C19orf81: variants seen among roughly 807,000 people sequenced by gnomAD.
C19orf81 encodes putative uncharacterized protein C19orf81.
C19orf81 carries 19 observed loss-of-function variants against 22.1 expected under a neutral mutation model. The ratio of observed to expected loss-of-function variants is 0.86; its 90% CI spans 0.60 to 1.26. C19orf81 has a LOEUF of 1.26. Ranked by LOEUF, C19orf81 falls within the 50% of genes most tolerant of loss-of-function variation. The pLI, the probability that C19orf81 is intolerant of heterozygous loss-of-function variation, is 0.00. For synonymous variants in C19orf81, 108 were observed against 113.1 expected (o/e 0.95, Z 0.29); for missense variants, 287 against 280.7 (o/e 1.02, Z -0.16).
In C19orf81 at chr19:50,658,952, T is replaced by A; in HGVS notation, c.407T>A (p.Leu136His). The A allele has an allele frequency of 6.7e-7, 1 of 1,484,234 alleles. No homozygotes were observed. The highest frequency in any genetic ancestry group is 9.0e-7 in the Non-Finnish European group (1 of 1,115,128). 91.9% of individuals were successfully genotyped at this position (1,484,234 alleles called of 1,614,324 possible). Reference protein sequence around the residue: ...CGTAGRRNRWLIAVTDFQTRS... With the variant: ...CGTAGRRNRWHIAVTDFQTRS... ...CGTCCCCACCCCCCTTACAGGTGGC[T>A]CATCGCGGTCACGGACTTCCAGACG... Residue 136 changes from leucine to histidine, a missense_variant, in exon 5 of 5, where the codon CTC (leucine) becomes CAC (histidine). Leu to His is a moderately conservative substitution (Grantham distance 99). Coordinates refer to ENST00000425202, the MANE Select transcript of C19orf81 (RefSeq NM_001195076.2).
chr19:50,654,913 G>C (rs552148987), intron 1 of C19orf81, among the ~76,000 whole-genome samples: 155 of 152,300 alleles, frequency 1.0e-3, no homozygotes, highest in South Asian at 3.3e-3. Flanking sequence ...GGACATCTTG[G>C]CTTGGTGAGA....
rs1217696262 is a variant in C19orf81, at chr19:50,659,004, C to A, written c.459C>A (p.Leu153=). 6.5e-7 allele frequency: 1 copy of A among 1,528,004 alleles called. No individual in the cohort carries two copies. The highest frequency in any genetic ancestry group is 1.2e-5 in the South Asian group (1 of 82,980). 94.7% of individuals were successfully genotyped at this position (1,528,004 alleles called of 1,614,324 possible). ...QTRSRLLRSG[L]SPRGLAHQIV... is the part of the protein sequence containing the mutation. ...GCTCGCGCTTGCTGCGCTCCGGGCTCAGTCCCCGCGGGCTTGCGCACCAGA... is the reference window on the plus strand; with the variant it reads ...GCTCGCGCTTGCTGCGCTCCGGGCTAAGTCCCCGCGGGCTTGCGCACCAGA... Residue 153 remains leucine, a synonymous_variant, in exon 5 of 5, where the codon CTC becomes CTA. Transcript: ENST00000425202.
intron 2 of C19orf81, 31 bp from the exon 3 acceptor site, chr19:50,656,195 A>T: frequency 6.5e-7 from 1 of 1,536,100 alleles, no homozygotes; most frequent in Non-Finnish European, 8.7e-7. Context: ...CCCTGACCTC[A>T]GAGGTCCCTG....
rs762384798 is a variant in C19orf81 at position 50,656,035 on chromosome 19, G to T, written c.68-15G>T. On this transcript the variant is annotated splice_polypyrimidine_tract_variant and intron_variant, in intron 1 of 4. Coordinates refer to ENST00000425202, the MANE Select transcript of C19orf81 (RefSeq NM_001195076.2). ...GAGGGCTCAGGGCAGCTGACACTGGGTTCTCTGTCCTCAGGAGCCCTCCTT... is the reference window on the plus strand; with the variant it reads ...GAGGGCTCAGGGCAGCTGACACTGGTTTCTCTGTCCTCAGGAGCCCTCCTT... 35 of 1,535,864 alleles carry T rather than the reference G, an allele frequency of 2.3e-5. 1 individual carries two copies. The highest frequency in any genetic ancestry group is 1.7e-4 in the Middle Eastern group (1 of 5,984).
At chr19:50,650,846 G>A (rs57745948) in intron 1 of C19orf81, among the ~76,000 whole-genome samples, 4 of 152,162 alleles carry the variant, frequency 2.6e-5, no homozygotes, top group African/African-American at 9.7e-5. Flanking sequence ...GCTTTTGAAG[G>A]CATCTTTCTT....
intron 1 of C19orf81, chr19:50,649,837 C>G (rs1346841279): frequency 2.0e-6 from 1 of 500,378 alleles, no homozygotes; most frequent in Non-Finnish European, 3.9e-6. Context: ...AGCTCAGCAT[C>G]TTCCCCCAAA....
At position 50,658,138 on chromosome 19, in the gene C19orf81, C is replaced by T. The variant is rs1308270474; in HGVS notation, c.401+10C>T. 1.2e-5 allele frequency: 18 copies of T among 1,527,922 alleles called. No homozygotes were observed. In the African/African-American group the frequency reaches 2.1e-4, roughly 18 times the overall value. The allele number at this position is 1,527,922 out of a possible 1,614,324, so 94.6% of individuals were successfully genotyped here. On this transcript the variant is annotated intron_variant, in intron 4 of 4. Transcript: ENST00000425202. ...CTGGGCGCCGGAACCGGTGAGTAAGCGGCGGGGGCGGGGCCTGGAGCGAGC... is the reference window on the plus strand; with the variant it reads ...CTGGGCGCCGGAACCGGTGAGTAAGTGGCGGGGGCGGGGCCTGGAGCGAGC...
At chr19:50,650,335 G>A (rs990412371) in intron 1 of C19orf81, among the ~76,000 whole-genome samples, 19 of 152,348 alleles carry the variant, frequency 1.2e-4, no homozygotes, top group Non-Finnish European at 2.1e-4. Context: ...CATTTATGGA[G>A]TAGTATCTCA....
At chr19:50,654,219 A>G (rs1195802019) in intron 1 of C19orf81, among the ~76,000 whole-genome samples, 1 of 152,018 alleles carries the variant, frequency 6.6e-6, no homozygotes, top group Non-Finnish European at 1.5e-5. Context: ...AAGAAGACAG[A>G]AGTGTATTTC....
chr19:50,658,938 C>T lies in C19orf81; in HGVS notation c.402-9C>T. The stretch of plus-strand genomic sequence containing the variant: ...GCGAGTTCCTTTTCCGTCCCCACCC[C>T]CCTTACAGGTGGCTCATCGCGGTCA... On this transcript the variant is annotated splice_polypyrimidine_tract_variant and intron_variant, in intron 4 of 4. Coordinates refer to ENST00000425202, the MANE Select transcript of C19orf81 (RefSeq NM_001195076.2). The T allele has an allele frequency of 6.8e-7, 1 of 1,466,168 alleles. No homozygotes were observed. The allele number at this position is 1,466,168 out of a possible 1,614,324, so 90.8% of individuals were successfully genotyped here. A position where few individuals can be genotyped will look rare whatever the true frequency, so the allele number is the denominator to read the frequency against.
In C19orf81 at chr19:50,658,097, G is replaced by A. The variant is rs942820982; in HGVS notation, c.370G>A (p.Val124Ile). The A allele has an allele frequency of 5.9e-6, 9 of 1,535,796 alleles. No individual in the cohort carries two copies. Among genetic ancestry groups the A allele is most frequent in the South Asian group, 1.2e-5 (1 of 84,002 alleles). The change falls in exon 4 of 5, where the codon GTC becomes ATC. Residue 124 changes from valine (V) to isoleucine (I), a missense_variant. Transcript: ENST00000425202. ...CAGCATCCGCTTTGAGAACATGAAC[G>A]TCATCTGTGGGACTGCTGGGCGCCG... The part of the protein sequence containing the change: ...VSSIRFENMN[V>I]ICGTAGRRNR...
At chr19:50,652,502 G>A (rs1057514522) in intron 1 of C19orf81, among the ~76,000 whole-genome samples, 1 of 152,198 alleles carries the variant, frequency 6.6e-6, no homozygotes, top group African/African-American at 2.4e-5. Context: ...TTAGCCAAAT[G>A]AGGGGGAAGA....
chr19:50,657,083 C>T (rs1985012556), intron 3 of C19orf81, among the ~76,000 whole-genome samples: 1 of 151,876 alleles, frequency 6.6e-6, no homozygotes. Flanking sequence ...ACTGGTCCTC[C>T]CTGCCTTCAA....
rs1352700103 is a variant in C19orf81 at position 50,656,106 on chromosome 19, A to C, written c.124A>C (p.Arg42=). Residue 42 remains arginine, a synonymous_variant, in exon 2 of 5, where the codon AGG becomes CGG. Transcript: ENST00000425202. The part of the protein sequence containing the change: ...PEEMQARSLG[R]PIKSSKQYLR... Reference sequence around the variant, plus strand: ...GGAGATGCAGGCTCGGAGCCTGGGCAGGCCCATCAAATCCTCGTGAGTTGT... The same window carrying C: ...GGAGATGCAGGCTCGGAGCCTGGGCCGGCCCATCAAATCCTCGTGAGTTGT... 6.5e-7 allele frequency: 1 copy of C among 1,536,124 alleles called. No individual in the cohort carries two copies. Among genetic ancestry groups the C allele is most frequent in the East Asian group, 2.4e-5 (1 of 40,918 alleles).
intron 4 of C19orf81, 115 bp downstream of exon 4, chr19:50,658,243 CA>C: frequency 9.1e-7 from 1 of 1,102,160 alleles, no homozygotes; most frequent in African/African-American, 1.6e-5. Flanking sequence ...AGAGTGAAAG[CA>C]TGAATGGGCG....
rs867833546 is a variant in C19orf81, at chr19:50,658,059, G to A, written c.332G>A (p.Ser111Asn). Residue 111 changes from serine (S) to asparagine (N), a missense_variant, in exon 4 of 5, where the codon AGC (serine) becomes AAC (asparagine). Ser to Asn is a conservative substitution (Grantham distance 46, BLOSUM62 1). Transcript: ENST00000425202. ...LEAQLPGAME[S>N]GRVSSIRFEN... ...GCCCAGTTACCAGGGGCCATGGAGA[G>A]CGGGCGCGTGAGCAGCATCCGCTTT... 2 of 1,536,078 alleles carry A rather than the reference G, an allele frequency of 1.3e-6. No individual in the cohort carries two copies. Among genetic ancestry groups the A allele is most frequent in the South Asian group, 1.2e-5 (1 of 84,040 alleles).
At chr19:50,658,757 AAG>A (rs1490318737) in intron 4 of C19orf81, 188 bp from the exon 5 acceptor site, 1 of 465,524 alleles carries the variant, frequency 2.1e-6, no homozygotes, top group Non-Finnish European at 3.7e-6. Flanking sequence ...GAACCAGGCT[AAG>A]AGAGCGTAAG....
chr19:50,659,232 C>A lies in C19orf81; in HGVS notation c.*90C>A. 1.8e-6 allele frequency: 2 copies of A among 1,128,042 alleles called. No individual in the cohort carries two copies. Among genetic ancestry groups the A allele is most frequent in the Non-Finnish European group, 2.3e-6 (2 of 885,420 alleles). The allele number at this position is 1,128,042 out of a possible 1,614,324, so 69.9% of individuals were successfully genotyped here. A position where few individuals can be genotyped will look rare whatever the true frequency, so the allele number is the denominator to read the frequency against. ...CCCGGAGGACAGGGGGCGTTGCCTT[C>A]CCAGGAAGGAGGCGGGGCCGGCTCG... On this transcript the variant is annotated 3_prime_UTR_variant, in exon 5 of 5. Coordinates refer to ENST00000425202, the MANE Select transcript of C19orf81 (RefSeq NM_001195076.2).
chr19:50,658,013 G>C lies in C19orf81; in HGVS notation c.286G>C (p.Glu96Gln). 1 of 1,535,190 alleles carries C rather than the reference G, an allele frequency of 6.5e-7. No individual in the cohort carries two copies. Among genetic ancestry groups the C allele is most frequent in the East Asian group, 2.4e-5 (1 of 40,908 alleles). ...TLPEEDFTHL[E>Q]VLQALEAQLP... Reference sequence around the variant, plus strand: ...GCCCGAGGAGGATTTTACCCACCTGGAGGTGCTGCAAGCCCTGGAGGCCCA... The same window carrying C: ...GCCCGAGGAGGATTTTACCCACCTGCAGGTGCTGCAAGCCCTGGAGGCCCA... Residue 96 changes from glutamate (E) to glutamine (Q), a missense_variant, in exon 4 of 5, where the codon GAG (glutamate) becomes CAG (glutamine). Glu to Gln is a conservative substitution (Grantham distance 29, BLOSUM62 2). Transcript: ENST00000425202.
Sources: allele counts gnomAD v4.1 joint callset (sites outside exome capture counted in the v4.1 genomes callset), GRCh38; gene constraint gnomAD v4.1.1; transcripts MANE v1.5; gene names NCBI Gene and HGNC (gene_info 2026-07-23, HGNC 2026-07-21).